The following NBEA variants were observed in gnomAD, a reference collection of about 807,000 sequenced individuals.
NBEA encodes the protein neurobeachin, also known as lysosomal-trafficking regulator 2.
In NBEA, 44 loss-of-function variants were observed where a neutral mutation model predicts 343.4. That is an observed-to-expected ratio of 0.13 (90% CI 0.10 to 0.16). The LOEUF is 0.16. NBEA is among the 10% of genes least tolerant of loss of function. The probability of loss-of-function intolerance (pLI) is 1.00; values close to 1 mark genes in which losing one functional copy is unlikely to be tolerated. For synonymous variants in NBEA, 1,175 were observed against 1,238.7 expected (o/e 0.95, Z 1.08); for missense variants, 2,555 against 3,631.3 (o/e 0.70, Z 7.62).
chr13:35,654,974 T>C lies in NBEA; in HGVS notation c.8155T>C (p.Trp2719Arg). ...TCGCTATATTCTTATCTGTGGATTC[T>C]GGGATAAGAGCTTCAGAGTTTATTC... The part of the protein sequence containing the change: ...DNRYILICGF[W>R]DKSFRVYSTE... The change falls in exon 54 of 59, where the codon TGG (tryptophan) becomes CGG (arginine). Residue 2719 changes from tryptophan to arginine, a missense_variant. Transcript: ENST00000379939. The C allele has an allele frequency of 6.4e-7, 1 of 1,565,090 alleles. No homozygotes were observed. Among genetic ancestry groups the C allele is most frequent in the Non-Finnish European group, 8.6e-7 (1 of 1,161,598 alleles).
intron 45 of NBEA, among the ~76,000 whole-genome samples, chr13:35,575,926 A>G (rs1203784584): frequency 6.6e-6 from 1 of 152,056 alleles, no homozygotes; most frequent in African/African-American, 2.4e-5. Context: ...AGAGCATGCC[A>G]GTTATCTTAT....
chr13:35,373,245 G>A (rs999379247), intron 38 of NBEA, among the ~76,000 whole-genome samples: 2 of 152,068 alleles, frequency 1.3e-5, no homozygotes, highest in African/African-American at 2.4e-5. Context: ...TGATCTGTTG[G>A]AAGTGTGATT....
At chr13:35,169,510 A>G (rs1287929737) in intron 25 of NBEA, among the ~76,000 whole-genome samples, 1 of 151,566 alleles carries the variant, frequency 6.6e-6, no homozygotes, top group Admixed American at 6.6e-5. Context: ...TAATAATTCT[A>G]TTTATAATTC....
At chr13:35,064,477 C>G (rs1205256269) in intron 8 of NBEA, among the ~76,000 whole-genome samples, 1 of 151,938 alleles carries the variant, frequency 6.6e-6, no homozygotes, top group Non-Finnish European at 1.5e-5. Flanking sequence ...ATAACAATAT[C>G]AATAATGCCC....
chr13:35,235,293 TTAAAA>T (rs1472664310), intron 34 of NBEA, among the ~76,000 whole-genome samples: 1 of 152,202 alleles, frequency 6.6e-6, no homozygotes. Flanking sequence ...TGTTACTTTA[TTAAAA>T]TAAAGAAGTT....
intron 1 of NBEA, among the ~76,000 whole-genome samples, chr13:34,979,414 G>A (rs919309776): frequency 6.6e-6 from 1 of 152,048 alleles, no homozygotes; most frequent in Admixed American, 6.6e-5. Flanking sequence ...CAGTTGCTTG[G>A]GAGGCTGAAG....
chr13:35,492,148 G>T (rs964420672), intron 41 of NBEA, among the ~76,000 whole-genome samples: 1 of 151,902 alleles, frequency 6.6e-6, no homozygotes, highest in Non-Finnish European at 1.5e-5. Flanking sequence ...AAGCTTTGAG[G>T]ATGCAAAGGC....
intron 38 of NBEA, among the ~76,000 whole-genome samples, chr13:35,405,401 T>C (rs1390628192): frequency 6.6e-6 from 1 of 152,200 alleles, no homozygotes; most frequent in Non-Finnish European, 1.5e-5. Context: ...TTCTTATATG[T>C]GCTAGGCACT....
chr13:35,152,559 G>A (rs956064174), intron 18 of NBEA, among the ~76,000 whole-genome samples: 1 of 152,154 alleles, frequency 6.6e-6, no homozygotes, highest in Non-Finnish European at 1.5e-5. Flanking sequence ...CAGAAAGATA[G>A]CTTCAGTAGC....
chr13:35,043,095 G>T (rs113693267), intron 2 of NBEA, among the ~76,000 whole-genome samples: 1 of 151,632 alleles, frequency 6.6e-6, no homozygotes, highest in East Asian at 1.9e-4. Flanking sequence ...AAACTGAGCT[G>T]CTTGGTTGTG....
chr13:35,071,323 T>G (rs980278522), intron 10 of NBEA, among the ~76,000 whole-genome samples: 2 of 152,134 alleles, frequency 1.3e-5, no homozygotes, highest in African/African-American at 4.8e-5. Context: ...TAGCATAATA[T>G]TAATTGACAT....
In NBEA at chr13:35,388,877, A is replaced by G. The variant is rs113332006; in HGVS notation, c.6179+36554A>G. On this transcript the variant is annotated intron_variant, in intron 38 of 58. Transcript: ENST00000379939. ...CCTCATAATTCTATTTATTCCCACAACTGAGCACAGAGGTTTCATTTTGTC... is the reference window on the plus strand; with the variant it reads ...CCTCATAATTCTATTTATTCCCACAGCTGAGCACAGAGGTTTCATTTTGTC... Among the ~76,000 whole-genome samples the G allele has an allele frequency of 3.2e-3, 493 of 152,264 alleles. 3 individuals are homozygous for G. The highest frequency in any genetic ancestry group is 0.011 in the African/African-American group (447 of 41,558).
At chr13:35,529,785 A>G (rs1279100512) in intron 41 of NBEA, among the ~76,000 whole-genome samples, 2 of 152,164 alleles carry the variant, frequency 1.3e-5, no homozygotes, top group Non-Finnish European at 2.9e-5. Context: ...TTATAATGGT[A>G]CATTTTTCCC....
intron 36 of NBEA, among the ~76,000 whole-genome samples, chr13:35,313,243 T>C (rs2037488887): frequency 6.6e-6 from 1 of 152,172 alleles, no homozygotes; most frequent in Non-Finnish European, 1.5e-5. Flanking sequence ...GACATAATCC[T>C]CTTGTAACAC....
intron 41 of NBEA, among the ~76,000 whole-genome samples, chr13:35,483,232 A>G (rs955664664): frequency 6.6e-6 from 1 of 151,982 alleles, no homozygotes; most frequent in African/African-American, 2.4e-5. Flanking sequence ...TGTTAGATTT[A>G]TGAATCTGAT....
chr13:35,221,731 T>C (rs2074381516), intron 33 of NBEA, among the ~76,000 whole-genome samples: 1 of 152,182 alleles, frequency 6.6e-6, no homozygotes, highest in African/African-American at 2.4e-5. Context: ...TGTAGTTCTA[T>C]AGGATCTCAA....
intron 52 of NBEA, among the ~76,000 whole-genome samples, chr13:35,650,909 A>G (rs921027424): frequency 3.3e-5 from 5 of 152,178 alleles, no homozygotes; most frequent in South Asian, 2.1e-4. Context: ...ACATTGCTCT[A>G]AAAAATACAG....
chr13:35,168,521 A>G (rs1020128552), intron 24 of NBEA, among the ~76,000 whole-genome samples: 1 of 151,558 alleles, frequency 6.6e-6, no homozygotes, highest in Non-Finnish European at 1.5e-5. Context: ...ATATTTGAGA[A>G]TACAAATTAC....
At chr13:35,486,209 T>C (rs1224622795) in intron 41 of NBEA, among the ~76,000 whole-genome samples, 2 of 152,120 alleles carry the variant, frequency 1.3e-5, no homozygotes, top group African/African-American at 2.4e-5. Context: ...ATGATTGTTT[T>C]CTCTGGGTAT....
Sources: allele counts gnomAD v4.1 joint callset (sites outside exome capture counted in the v4.1 genomes callset), GRCh38; gene constraint gnomAD v4.1.1; transcripts MANE v1.5; gene names NCBI Gene and HGNC (gene_info 2026-07-23, HGNC 2026-07-21).